Variants in ZCCHC14 observed in about 807,000 individuals in gnomAD.
ZCCHC14 encodes zinc finger CCHC domain-containing protein 14.
ZCCHC14 carries 16 observed loss-of-function variants against 85.0 expected under a neutral mutation model. That is an observed-to-expected ratio of 0.19 (90% CI 0.13 to 0.29). The LOEUF (loss-of-function observed/expected upper bound fraction) is 0.29. ZCCHC14 is among the 10% of genes least tolerant of loss of function. ZCCHC14 has a pLI of 1.00. For missense variants in ZCCHC14, 1,303 were observed against 1,443.5 expected (o/e 0.90, Z 1.58); for synonymous variants, 775 against 630.7 (o/e 1.23, Z -3.43).
intron 1 of ZCCHC14, chr16:87,470,451 G>GA (rs1911727318): frequency 6.6e-6 from 1 of 151,930 alleles, no homozygotes; most frequent in African/African-American, 2.4e-5. Context: ...GCTGCAGGGG[G>GA]TGGCCTCGTC....
At chr16:87,455,283 C>A (rs1336818464) in intron 2 of ZCCHC14, among the ~76,000 whole-genome samples, 1 of 151,658 alleles carries the variant, frequency 6.6e-6, no homozygotes, top group Non-Finnish European at 1.5e-5. Flanking sequence ...AGTGAAACTC[C>A]GTCCCCCCCC....
At chr16:87,441,583 C>A (rs1392324767) in intron 2 of ZCCHC14, among the ~76,000 whole-genome samples, 1 of 152,086 alleles carries the variant, frequency 6.6e-6, no homozygotes, top group African/African-American at 2.4e-5. Flanking sequence ...AGAGTAAGAA[C>A]ACAAAACAAA....
At chr16:87,478,559 T>C (rs1201214038) in intron 1 of ZCCHC14, among the ~76,000 whole-genome samples, 2 of 152,086 alleles carry the variant, frequency 1.3e-5, no homozygotes, top group Admixed American at 6.6e-5. Context: ...ACACAGTGCT[T>C]CCCACACAAC....
chr16:87,419,576 T>C (rs996381374), intron 6 of ZCCHC14, among the ~76,000 whole-genome samples: 2 of 152,028 alleles, frequency 1.3e-5, no homozygotes, highest in African/African-American at 2.4e-5. Context: ...ATTGGGATTA[T>C]AGGCGTGAGC....
At chr16:87,478,579 C>G (rs1481065937) in intron 1 of ZCCHC14, among the ~76,000 whole-genome samples, 1 of 151,872 alleles carries the variant, frequency 6.6e-6, no homozygotes, top group African/African-American at 2.4e-5. Flanking sequence ...CCTCAATACT[C>G]TGTGCTTTCA....
At chr16:87,466,413 A>C (rs1247845280) in intron 1 of ZCCHC14, among the ~76,000 whole-genome samples, 1 of 152,206 alleles carries the variant, frequency 6.6e-6, no homozygotes, top group Non-Finnish European at 1.5e-5. Context: ...TGGGCATTTG[A>C]AAACTGCTCA....
chr16:87,450,710 G>A (rs1910656894), intron 2 of ZCCHC14, among the ~76,000 whole-genome samples: 1 of 151,774 alleles, frequency 6.6e-6, no homozygotes. Flanking sequence ...GAGTAGCTGG[G>A]ATTATAGGCA....
chr16:87,456,002 G>T (rs1229016879), intron 2 of ZCCHC14, among the ~76,000 whole-genome samples: 1 of 152,168 alleles, frequency 6.6e-6, no homozygotes, highest in African/African-American at 2.4e-5. Context: ...TCAACTTGCA[G>T]CCCCCACTGT....
chr16:87,453,572 G>T (rs1193494825), intron 2 of ZCCHC14, among the ~76,000 whole-genome samples: 3 of 152,220 alleles, frequency 2.0e-5, no homozygotes, highest in Non-Finnish European at 4.4e-5. Flanking sequence ...GGCTGCCCCA[G>T]CCACGGTGGA....
Position 87,492,927 on chromosome 16 carries a change from C to A in ZCCHC14, c.-689G>T, listed in dbSNP as rs1216526177. ...CCGAGCGCGGCGGCGGCGGCGACGG[C>A]GACGGCGACGGCGACGGCGACGGCG... On this transcript the variant is annotated 5_prime_UTR_variant, in exon 1 of 13. Coordinates refer to ENST00000671377, the MANE Select transcript of ZCCHC14 (RefSeq NM_015144.3). This position sits in a 1 kb window ranked among gnomAD's most constrained non-coding sequence, Gnocchi z 6.7. Among the ~76,000 whole-genome samples, 25 of 142,864 alleles carry A rather than the reference C, an allele frequency of 1.7e-4. No homozygotes were observed. The East Asian group carries it at 4.3e-3, about 24-fold the overall frequency. The allele number at this position is 142,864 out of a possible 152,430, so 93.7% of individuals were successfully genotyped here.
At position 87,420,575 on chromosome 16, in the gene ZCCHC14, T is replaced by C. The variant is rs201687556; in HGVS notation, c.950+32A>G. On this transcript the variant is annotated intron_variant, in intron 5 of 12. Coordinates refer to ENST00000671377, the MANE Select transcript of ZCCHC14 (RefSeq NM_015144.3). The surrounding 1 kb of genome is among the most constrained non-coding windows in gnomAD (Gnocchi z 5.0). ...AGGACCAGCCTGTCCTTGCCAGCTG[T>C]GGACGCGCCGGGTGCCTGGTAAGGG... 6.4e-7 allele frequency: 1 copy of C among 1,569,750 alleles called. No individual in the cohort carries two copies. The highest frequency in any genetic ancestry group is 2.3e-5 in the East Asian group (1 of 44,178).
intron 1 of ZCCHC14, chr16:87,474,224 G>C (rs1422707419): frequency 6.6e-6 from 1 of 152,346 alleles, no homozygotes. Context: ...CCTTCCCGTG[G>C]CTGACCGCCA....
chr16:87,428,042 G>T (rs1909465044), intron 3 of ZCCHC14, among the ~76,000 whole-genome samples: 1 of 150,894 alleles, frequency 6.6e-6, no homozygotes, highest in Non-Finnish European at 1.5e-5. Flanking sequence ...CTGCCTACAT[G>T]CTGACTTTAT....
At chr16:87,485,441 A>G (rs1337721303) in intron 1 of ZCCHC14, among the ~76,000 whole-genome samples, 1 of 152,154 alleles carries the variant, frequency 6.6e-6, no homozygotes, top group Non-Finnish European at 1.5e-5. Flanking sequence ...GAAAAAAATT[A>G]CCTTGCTAAA....
intron 1 of ZCCHC14, among the ~76,000 whole-genome samples, chr16:87,464,443 C>T (rs1206918200): frequency 6.6e-6 from 1 of 152,174 alleles, no homozygotes; most frequent in East Asian, 1.9e-4. Context: ...ATCATCCGGT[C>T]CAATCCCGGC....
intron 4 of ZCCHC14, among the ~76,000 whole-genome samples, chr16:87,422,041 C>A (rs985136324): frequency 7.2e-5 from 11 of 152,116 alleles, no homozygotes; most frequent in Admixed American, 2.0e-4. Context: ...GGACTTTAAA[C>A]AGCTATGATG....
rs937830217 is a variant in ZCCHC14 at position 87,419,718 on chromosome 16, G to A, written c.1045+65C>T. 8 of 1,374,410 alleles carry A rather than the reference G, an allele frequency of 5.8e-6. No individual in the cohort carries two copies. In the African/African-American group the frequency reaches 6.0e-5, roughly 10 times the overall value. The allele number at this position is 1,374,410 out of a possible 1,614,324, so 85.1% of individuals were successfully genotyped here. ...CCCAAAGTGCTGGGATTACAAGCAT[G>A]AGCCACTGCGCCCAGCTGTTTTTTT... On this transcript the variant is annotated intron_variant, in intron 6 of 12. Transcript: ENST00000671377.
chr16:87,408,593 G>A lies in ZCCHC14; in HGVS notation c.*1687C>T, dbSNP rs568668728. 1 of 152,568 alleles carries A rather than the reference G, an allele frequency of 6.6e-6. No homozygotes were observed. The highest frequency in any genetic ancestry group is 2.1e-4 in the South Asian group (1 of 4,826). 9.5% of individuals were successfully genotyped at this position (152,568 alleles called of 1,614,324 possible). ...TCAACACTGTAATACTGTGTACCAT[G>A]AGGAGAAGAGGTCTGTTAATTCTGC... On this transcript the variant is annotated 3_prime_UTR_variant, in exon 13 of 13. Coordinates refer to ENST00000671377, the MANE Select transcript of ZCCHC14 (RefSeq NM_015144.3).
At chr16:87,450,383 T>G (rs763459545) in intron 2 of ZCCHC14, among the ~76,000 whole-genome samples, 14 of 152,222 alleles carry the variant, frequency 9.2e-5, no homozygotes, top group Non-Finnish European at 1.2e-4. Context: ...TCACACTGAT[T>G]AAGCTGCTCC....
Sources: allele counts gnomAD v4.1 joint callset (sites outside exome capture counted in the v4.1 genomes callset), GRCh38; gene constraint gnomAD v4.1.1; non-coding constraint Gnocchi (gnomAD v3.1); transcripts MANE v1.5; gene names NCBI Gene and HGNC (gene_info 2026-07-23, HGNC 2026-07-21).